Variants in ST6GALNAC3 observed in about 807,000 individuals in gnomAD.
ST6GALNAC3 encodes the protein ST6 N-acetylgalactosaminide alpha-2,6-sialyltransferase 3.
A neutral mutation model predicts 32.7 loss-of-function variants in ST6GALNAC3; 25 were observed. That is an observed-to-expected ratio of 0.76 (90% confidence interval 0.56 to 1.07). ST6GALNAC3 has a LOEUF of 1.07. ST6GALNAC3 is among the 50% of genes least tolerant of loss of function. ST6GALNAC3 has a pLI of 0.00. For missense variants in ST6GALNAC3, 355 were observed against 382.4 expected (o/e 0.93, Z 0.60); for synonymous variants, 129 against 133.1 (o/e 0.97, Z 0.21).
At chr1:76,635,449 A>G (rs1411189182), downstream of ST6GALNAC3, among the ~76,000 whole-genome samples, 1 of 152,172 alleles carries the variant, frequency 6.6e-6, no homozygotes, top group Non-Finnish European at 1.5e-5. Flanking sequence ...TGAGGTACAT[A>G]ATGTTACTAT....
intron 2 of ST6GALNAC3, among the ~76,000 whole-genome samples, chr1:76,377,850 TA>T (rs1651360580): frequency 6.6e-6 from 1 of 152,208 alleles, no homozygotes; most frequent in Non-Finnish European, 1.5e-5. Flanking sequence ...CAAACTCAAG[TA>T]ATTGCAATCA....
intron 1 of ST6GALNAC3, among the ~76,000 whole-genome samples, chr1:76,182,437 A>C (rs1057422375): frequency 6.6e-6 from 1 of 152,190 alleles, no homozygotes; most frequent in Non-Finnish European, 1.5e-5. Flanking sequence ...AGTGCCATTC[A>C]TAAAACTTTT....
chr1:76,161,751 C>T (rs535528128), intron 1 of ST6GALNAC3, among the ~76,000 whole-genome samples: 34 of 152,306 alleles, frequency 2.2e-4, no homozygotes, highest in African/African-American at 6.5e-4. Context: ...CAATGAGCTA[C>T]GTAATTGGCC....
intron 3 of ST6GALNAC3, among the ~76,000 whole-genome samples, chr1:76,473,266 G>A (rs1387952742): frequency 3.3e-5 from 5 of 152,088 alleles, no homozygotes; most frequent in South Asian, 2.1e-4. Flanking sequence ...CTAGAGACCC[G>A]ATGACACTAG....
At chr1:76,468,792 C>T (rs1423007097) in intron 3 of ST6GALNAC3, among the ~76,000 whole-genome samples, 1 of 151,860 alleles carries the variant, frequency 6.6e-6, no homozygotes, top group Non-Finnish European at 1.5e-5. Context: ...TATAATTTGG[C>T]AATAGCAAAA....
chr1:76,630,459 CATT>C lies in ST6GALNAC3; in HGVS notation c.*1655_*1657del. Reference sequence around the variant, plus strand: ...TTCTATTTTTCATATACTCGTTGCTCATTAAATAGTAAAGGGTTGATTTGCTGC... The same window carrying C: ...TTCTATTTTTCATATACTCGTTGCTCAAATAGTAAAGGGTTGATTTGCTGC... On this transcript the variant is annotated 3_prime_UTR_variant, in exon 5 of 5. Coordinates refer to ENST00000328299, the MANE Select transcript of ST6GALNAC3 (RefSeq NM_152996.4). 1.0e-6 allele frequency: 1 copy of C among 985,096 alleles called. No homozygotes were observed. Among genetic ancestry groups the C allele is most frequent in the Non-Finnish European group, 1.2e-6 (1 of 829,812 alleles). 61.0% of individuals were successfully genotyped at this position (985,096 alleles called of 1,614,324 possible).
At chr1:76,170,397 G>A (rs1217768180) in intron 1 of ST6GALNAC3, among the ~76,000 whole-genome samples, 2 of 152,176 alleles carry the variant, frequency 1.3e-5, no homozygotes, top group Non-Finnish European at 2.9e-5. Flanking sequence ...GGCAGATGCA[G>A]GCCTGGGTGC....
chr1:76,513,437 T>G (rs1241507638), intron 3 of ST6GALNAC3, among the ~76,000 whole-genome samples: 1 of 152,152 alleles, frequency 6.6e-6, no homozygotes, highest in Non-Finnish European at 1.5e-5. Flanking sequence ...ATAAGTTGAA[T>G]GTAGCTAGGT....
intron 3 of ST6GALNAC3, among the ~76,000 whole-genome samples, chr1:76,456,416 G>T (rs188221522): frequency 9.2e-4 from 139 of 151,824 alleles, no homozygotes; most frequent in Non-Finnish European, 1.7e-3. Context: ...GTGCAATCTC[G>T]GCTCATTGTG....
chr1:76,255,224 C>A (rs528907930), intron 1 of ST6GALNAC3, among the ~76,000 whole-genome samples: 1 of 152,182 alleles, frequency 6.6e-6, no homozygotes, highest in Admixed American at 6.5e-5. Context: ...ATGAATCCAT[C>A]CCCCTCCCTT....
chr1:76,522,085 TAAA>T (rs55954462), intron 3 of ST6GALNAC3, among the ~76,000 whole-genome samples: 117 of 140,684 alleles, frequency 8.3e-4, no homozygotes, highest in Middle Eastern at 3.8e-3. Context: ...ACTCCATTTC[TAAA>T]AAAAAAAAAA....
chr1:76,252,052 G>A (rs1191135030), intron 1 of ST6GALNAC3, among the ~76,000 whole-genome samples: 1 of 152,166 alleles, frequency 6.6e-6, no homozygotes, highest in African/African-American at 2.4e-5. Flanking sequence ...TGTTGTTGTT[G>A]ATAGATGGTG....
intron 1 of ST6GALNAC3, among the ~76,000 whole-genome samples, chr1:76,245,837 A>G (rs769987264): frequency 2.6e-5 from 4 of 152,186 alleles, no homozygotes; most frequent in Non-Finnish European, 5.9e-5. Context: ...TTATGTGGTC[A>G]ATTTTAGAAT....
At chr1:76,565,169 A>G (rs1665479652) in intron 3 of ST6GALNAC3, among the ~76,000 whole-genome samples, 1 of 152,112 alleles carries the variant, frequency 6.6e-6, no homozygotes, top group Non-Finnish European at 1.5e-5. Flanking sequence ...GTCAGCATTA[A>G]GGGGGCTGCC....
At chr1:76,323,774 G>T (rs1048430907) in intron 2 of ST6GALNAC3, among the ~76,000 whole-genome samples, 2 of 152,090 alleles carry the variant, frequency 1.3e-5, no homozygotes, top group East Asian at 3.8e-4. Flanking sequence ...AACTGTGATG[G>T]TCTATATCTG....
chr1:76,424,250 C>T (rs968184564), intron 3 of ST6GALNAC3, among the ~76,000 whole-genome samples: 2 of 151,926 alleles, frequency 1.3e-5, no homozygotes, highest in African/African-American at 2.4e-5. Context: ...ACTCATTACT[C>T]ATCTGACAGC....
At chr1:76,307,699 AAAC>A (rs1661143865) in intron 1 of ST6GALNAC3, among the ~76,000 whole-genome samples, 1 of 152,196 alleles carries the variant, frequency 6.6e-6, no homozygotes, top group South Asian at 2.1e-4. Flanking sequence ...AGGAAAAAGA[AAAC>A]AAAAACATCT....
At chr1:76,259,134 G>T (rs1487996283) in intron 1 of ST6GALNAC3, among the ~76,000 whole-genome samples, 1 of 152,130 alleles carries the variant, frequency 6.6e-6, no homozygotes, top group Non-Finnish European at 1.5e-5. Flanking sequence ...AGCTGAAATG[G>T]TCATGGTTTC....
At chr1:76,296,629 C>T (rs745600347) in intron 1 of ST6GALNAC3, among the ~76,000 whole-genome samples, 17 of 151,972 alleles carry the variant, frequency 1.1e-4, no homozygotes, top group South Asian at 2.1e-4. Context: ...TTTTACTAAA[C>T]GATGAACCAT....
Sources: gnomAD v4.1 joint callset for allele counts (sites outside exome capture counted in the v4.1 genomes callset) on GRCh38, gnomAD v4.1.1 for gene constraint, MANE v1.5 for transcripts, NCBI Gene and HGNC (gene_info 2026-07-23, HGNC 2026-07-21) for gene names.